COG5: variants seen among roughly 807,000 people sequenced by gnomAD.
COG5 encodes conserved oligomeric Golgi complex subunit 5.
In COG5, 86 loss-of-function variants were observed where a neutral mutation model predicts 110.4. That is an observed-to-expected ratio of 0.78 (90% CI 0.65 to 0.93). COG5 has a LOEUF of 0.93. Ranked by LOEUF, COG5 falls within the 40% of genes least tolerant of loss-of-function variation. The pLI, the probability that COG5 is intolerant of heterozygous loss-of-function variation, is 0.00. For missense variants in COG5, 1,077 were observed against 987.0 expected (o/e 1.09, Z -1.22); for synonymous variants, 360 against 334.6 (o/e 1.08, Z -0.83).
chr7:107,225,170 T>G (rs1043434627), intron 19 of COG5, among the ~76,000 whole-genome samples: 8 of 152,212 alleles, frequency 5.3e-5, no homozygotes, highest in African/African-American at 1.9e-4. Context: ...CTGCAGCCAC[T>G]GCCCCTAATT....
chr7:107,411,347 C>G (rs935398217), intron 7 of COG5, among the ~76,000 whole-genome samples: 2 of 151,892 alleles, frequency 1.3e-5, no homozygotes, highest in African/African-American at 2.4e-5. Context: ...TAGAGAAATA[C>G]TCTTTTTTTT....
intron 6 of COG5, among the ~76,000 whole-genome samples, chr7:107,508,394 G>A (rs1799204668): frequency 6.6e-6 from 1 of 152,336 alleles, no homozygotes; most frequent in Admixed American, 6.5e-5. Context: ...GCTCCAACTG[G>A]GTGGAGCCCA....
At chr7:107,470,838 AAATT>A (rs1796591085) in intron 6 of COG5, among the ~76,000 whole-genome samples, 3 of 152,032 alleles carry the variant, frequency 2.0e-5, no homozygotes, top group African/African-American at 7.2e-5. Flanking sequence ...TGTTCACTGA[AAATT>A]AATTTGCAGT....
In COG5 at chr7:107,442,784, A is replaced by T. The variant is rs182635328; in HGVS notation, c.539-30152T>A. Among the ~76,000 whole-genome samples, 55 of 152,312 alleles carry T rather than the reference A, an allele frequency of 3.6e-4. 1 individual carries two copies. The East Asian group carries it at 7.5e-3, about 21-fold the overall frequency. ...AATAGATGTGTTTCAGAGAATACAA[A>T]TACAAGATTTTAAAAGCTGGAAAAA... On this transcript the variant is annotated intron_variant, in intron 6 of 21. Coordinates refer to ENST00000297135, the MANE Select transcript of COG5 (RefSeq NM_006348.5).
At chr7:107,473,797 C>T (rs989095575) in intron 6 of COG5, among the ~76,000 whole-genome samples, 6 of 151,918 alleles carry the variant, frequency 3.9e-5, no homozygotes. Context: ...AGCATATTAA[C>T]TTTGCACTAC....
rs1409627663 is a variant in COG5, at chr7:107,203,548, G to A, written c.2458C>T (p.Leu820=). The change falls in exon 22 of 22, where the codon CTG becomes TTG. Residue 820 remains leucine (L), a synonymous_variant. Coordinates refer to ENST00000297135, the MANE Select transcript of COG5 (RefSeq NM_006348.5). ...AGAGCAGACATAGCCTTTTGAAGCA[G>A]CTGAACCATTATGGGATAAACTGGT... ...FAPVYPIMVQ[L]LQKAMSALQ is the part of the protein sequence containing the mutation. 6 of 1,613,558 alleles carry A rather than the reference G, an allele frequency of 3.7e-6. No individual in the cohort carries two copies. In the African/African-American group the frequency reaches 6.7e-5, roughly 18 times the overall value.
intron 3 of COG5, among the ~76,000 whole-genome samples, chr7:107,550,387 A>G (rs1459133612): frequency 6.6e-6 from 1 of 152,198 alleles, no homozygotes; most frequent in Non-Finnish European, 1.5e-5. Context: ...CTCATCATAC[A>G]ATAACCTGAT....
chr7:107,238,914 G>C (rs1801409232), intron 17 of COG5, among the ~76,000 whole-genome samples: 1 of 152,094 alleles, frequency 6.6e-6, no homozygotes, highest in South Asian at 2.1e-4. Flanking sequence ...TGTATGGCTT[G>C]TAAGTATTTT....
rs182561509 is a variant in COG5, at chr7:107,408,130, G to A, written c.669+4372C>T. Among the ~76,000 whole-genome samples, 19 of 152,304 alleles carry A rather than the reference G, an allele frequency of 1.2e-4. No individual in the cohort carries two copies. In the East Asian group the frequency reaches 2.5e-3, roughly 20 times the overall value. On this transcript the variant is annotated intron_variant, in intron 7 of 21. Transcript: ENST00000297135. ...GAACAGGAGTCAACAAACTATGCTC[G>A]TGGGACAAATCTGGTTTATTGCTTG...
At chr7:107,538,256 A>C (rs1801733428) in intron 5 of COG5, among the ~76,000 whole-genome samples, 1 of 152,222 alleles carries the variant, frequency 6.6e-6, no homozygotes, top group Non-Finnish European at 1.5e-5. Flanking sequence ...CAGCTTTTTC[A>C]CATGCTATGC....
chr7:107,233,524 T>C (rs1456892666), intron 18 of COG5, among the ~76,000 whole-genome samples: 1 of 152,226 alleles, frequency 6.6e-6, no homozygotes, highest in African/African-American at 2.4e-5. Context: ...AAAGAAATCC[T>C]GAAAATACGT....
intron 10 of COG5, among the ~76,000 whole-genome samples, chr7:107,349,597 G>T (rs1350165162): frequency 6.6e-6 from 1 of 151,448 alleles, no homozygotes; most frequent in African/African-American, 2.4e-5. Context: ...TCGCTCTGTC[G>T]CCCAGGCTGG....
chr7:107,295,314 T>C (rs572814074), intron 12 of COG5, among the ~76,000 whole-genome samples: 12 of 151,532 alleles, frequency 7.9e-5, no homozygotes, highest in African/African-American at 2.9e-4. Context: ...CATGGTTGAT[T>C]CTTCCACACT....
intron 7 of COG5, among the ~76,000 whole-genome samples, chr7:107,373,566 C>T (rs117600058): frequency 6.6e-6 from 1 of 152,126 alleles, no homozygotes; most frequent in East Asian, 1.9e-4. Context: ...TAGCAATGTG[C>T]TTAGTATGCT....
chr7:107,247,625 T>A (rs1044955935), intron 17 of COG5, among the ~76,000 whole-genome samples: 2 of 152,222 alleles, frequency 1.3e-5, no homozygotes, highest in African/African-American at 4.8e-5. Context: ...TTAAGTTTTT[T>A]AAAAATCACA....
chr7:107,530,625 A>C (rs948260976), intron 5 of COG5, among the ~76,000 whole-genome samples: 1 of 148,912 alleles, frequency 6.7e-6, no homozygotes, highest in East Asian at 2.0e-4. Flanking sequence ...AAAAAAAAAA[A>C]ACACAGTTTT....
chr7:107,426,762 T>C (rs567526001), intron 6 of COG5, among the ~76,000 whole-genome samples: 42 of 152,292 alleles, frequency 2.8e-4, no homozygotes, highest in Admixed American at 2.5e-3. Context: ...AATGGCCCCA[T>C]AGTGTAGCTG....
intron 6 of COG5, among the ~76,000 whole-genome samples, chr7:107,473,568 T>C (rs1796775543): frequency 6.6e-6 from 1 of 151,968 alleles, no homozygotes; most frequent in South Asian, 2.1e-4. Context: ...AATGAACACT[T>C]GTCCTGTTCA....
intron 6 of COG5, among the ~76,000 whole-genome samples, chr7:107,526,400 C>T (rs1173654212): frequency 1.3e-5 from 2 of 152,206 alleles, no homozygotes; most frequent in African/African-American, 4.8e-5. Flanking sequence ...ATGGACTTTG[C>T]AGCTGGTTAA....
Sources: gnomAD v4.1 joint callset for allele counts (sites outside exome capture counted in the v4.1 genomes callset) on GRCh38, gnomAD v4.1.1 for gene constraint, MANE v1.5 for transcripts, NCBI Gene and HGNC (gene_info 2026-07-23, HGNC 2026-07-21) for gene names.